The following CNKSR2 variants were observed in gnomAD, a reference collection of about 807,000 sequenced individuals.
CNKSR2 encodes the protein CNK homolog protein 2.
In CNKSR2, 14 loss-of-function variants were observed where a neutral mutation model predicts 84.4. That is an observed-to-expected ratio of 0.17 (90% CI 0.11 to 0.26). CNKSR2 has a LOEUF of 0.26. CNKSR2 is among the 10% of genes least tolerant of loss of function. The probability of loss-of-function intolerance (pLI) is 1.00; values close to 1 mark genes in which losing one functional copy is unlikely to be tolerated. For synonymous variants in CNKSR2, 275 were observed against 277.9 expected (o/e 0.99, Z 0.10); for missense variants, 485 against 771.2 (o/e 0.63, Z 4.40).
chrX:21,427,493 A>G (rs2090580889), intron 2 of CNKSR2: 1 of 111,282 alleles, frequency 9.0e-6, no homozygotes, highest in African/African-American at 3.3e-5. Flanking sequence ...TGAAATCAGG[A>G]GGTGAGATTC....
At chrX:21,581,490 G>T (rs899288282) in intron 13 of CNKSR2, among the ~76,000 whole-genome samples, 12 of 112,034 alleles carry the variant, frequency 1.1e-4, no homozygotes, top group African/African-American at 3.9e-4. Context: ...GTTGAAAATA[G>T]ACTGAAGGGG....
chrX:21,490,504 T>C lies in CNKSR2; in HGVS notation c.607T>C (p.Ser203Pro). 2 of 1,209,210 alleles carry C rather than the reference T, an allele frequency of 1.7e-6. No homozygotes were observed. Among genetic ancestry groups the C allele is most frequent in the East Asian group, 3.0e-5 (1 of 33,806 alleles). Residue 203 changes from serine (S) to proline (P), a missense_variant, in exon 6 of 22, where the codon TCA (serine) becomes CCA (proline). By Grantham distance (74) the Ser-to-Pro change is moderately conservative. This residue lies in a region of CNKSR2 where 109 missense variants were observed against 197.5 expected (regional missense o/e 0.55). Coordinates refer to ENST00000379510, the MANE Select transcript of CNKSR2 (RefSeq NM_014927.5). ...GVCDHIISLS[S>P]DPLVSQSAHL... Reference sequence around the variant, plus strand: ...CTGTGACCACATCATATCCCTGTCGTCAGATCCTCTGGTTTCACAGTCTGC... The same window carrying C: ...CTGTGACCACATCATATCCCTGTCGCCAGATCCTCTGGTTTCACAGTCTGC...
chrX:21,465,358 A>AT lies in CNKSR2; in HGVS notation c.520-5407dup, dbSNP rs775395088. 8.1e-5 allele frequency among the ~76,000 whole-genome samples: 9 copies of AT among 111,381 alleles called. 1 individual carries two copies. Among genetic ancestry groups the AT allele is most frequent in the African/African-American group, 2.0e-4 (6 of 30,735 alleles). On this transcript the variant is annotated intron_variant, in intron 4 of 21. Transcript: ENST00000379510. Reference sequence around the variant, plus strand: ...GTTGGTGAACTGAATTGTGACTTCAATAAATAAATGAATGCAAGGAAGAGA... The same window carrying AT: ...GTTGGTGAACTGAATTGTGACTTCAATTAAATAAATGAATGCAAGGAAGAGA...
intron 11 of CNKSR2, among the ~76,000 whole-genome samples, chrX:21,547,936 G>C (rs1174075639): frequency 1.8e-5 from 2 of 112,101 alleles, no homozygotes; most frequent in East Asian, 5.6e-4. Flanking sequence ...GCAGTGTGTA[G>C]AGGGAAATTT....
In CNKSR2 at chrX:21,632,990, TACACACACACACAC is replaced by T. The variant is rs200936630; in HGVS notation, c.2693-15819_2693-15806del. On this transcript the variant is annotated intron_variant, in intron 20 of 21. Coordinates refer to ENST00000379510, the MANE Select transcript of CNKSR2 (RefSeq NM_014927.5). ...CATGTGTATACACACTTATATAATATACACACACACACACACACACACACACACACACACATACA... is the reference window on the plus strand; with the variant it reads ...CATGTGTATACACACTTATATAATATACACACACACACACACACACATACA... Among the ~76,000 whole-genome samples the T allele has an allele frequency of 5.4e-4, 54 of 100,675 alleles. 1 individual carries two copies. The highest frequency in any genetic ancestry group is 5.0e-3 in the Middle Eastern group (1 of 202). 87.4% of individuals were successfully genotyped at this position (100,675 alleles called of 115,157 possible).
intron 9 of CNKSR2, among the ~76,000 whole-genome samples, chrX:21,520,488 A>AC (rs2091771711): frequency 9.1e-6 from 1 of 109,763 alleles, no homozygotes; most frequent in African/African-American, 3.3e-5. Flanking sequence ...TGAAAAAAAA[A>AC]CAAAGAATTG....
chrX:21,630,455 A>G (rs1429090855), intron 20 of CNKSR2, among the ~76,000 whole-genome samples: 3 of 111,843 alleles, frequency 2.7e-5, no homozygotes, highest in Non-Finnish European at 5.6e-5. Flanking sequence ...ACGTAATATA[A>G]GTCATTTAAT....
chrX:21,628,384 A>G (rs1285110622), intron 20 of CNKSR2, among the ~76,000 whole-genome samples: 1 of 111,292 alleles, frequency 9.0e-6, no homozygotes, highest in East Asian at 2.8e-4. Flanking sequence ...TCACAGCTCC[A>G]CTAGGTGGCT....
chrX:21,407,667 A>G (rs1006695733), intron 1 of CNKSR2, among the ~76,000 whole-genome samples: 7 of 111,426 alleles, frequency 6.3e-5, no homozygotes, highest in African/African-American at 2.3e-4. Context: ...TTGAATAGAA[A>G]TGCAAGGTTC....
chrX:21,384,053 T>A (rs1463569964), intron 1 of CNKSR2, among the ~76,000 whole-genome samples: 2 of 112,017 alleles, frequency 1.8e-5, no homozygotes, highest in African/African-American at 6.5e-5. Flanking sequence ...TTTAATTTTG[T>A]GAAAATCATT....
intron 20 of CNKSR2, among the ~76,000 whole-genome samples, chrX:21,630,827 A>G (rs187772728): frequency 8.8e-4 from 98 of 111,079 alleles, no homozygotes; most frequent in Middle Eastern, 9.4e-3. Flanking sequence ...TGATCTTTCA[A>G]TCACATTTAC....
chrX:21,594,815 G>A (rs747534641), intron 15 of CNKSR2, 159 bp from the exon 16 acceptor site: 7 of 379,179 alleles, frequency 1.8e-5, no homozygotes, highest in East Asian at 4.0e-5. Context: ...AATTTATGGA[G>A]TACAGCAGGT....
intron 4 of CNKSR2, among the ~76,000 whole-genome samples, chrX:21,444,444 T>C (rs773602586): frequency 5.3e-4 from 59 of 111,566 alleles, no homozygotes; most frequent in African/African-American, 1.8e-3. Context: ...GGCTTTGCTT[T>C]TCAACAAACA....
Position 21,652,859 on chromosome X carries a change from T to G in CNKSR2, c.*338T>G. 1 of 144,438 alleles carries G rather than the reference T, an allele frequency of 6.9e-6. No individual in the cohort carries two copies. The highest frequency in any genetic ancestry group is 1.3e-5 in the Non-Finnish European group (1 of 74,961). 11.9% of individuals were successfully genotyped at this position (144,438 alleles called of 1,213,427 possible). ...TATGGTCATCTTTTCTCCCTTTAAG[T>G]TAATTTTATATAAACAAGACTTCAA... is the stretch of plus-strand genomic sequence containing the variant. On this transcript the variant is annotated 3_prime_UTR_variant, in exon 22 of 22. Transcript: ENST00000379510.
chrX:21,643,887 G>A (rs1405535086), intron 20 of CNKSR2: 2 of 111,020 alleles, frequency 1.8e-5, no homozygotes, highest in Non-Finnish European at 3.8e-5. Flanking sequence ...TGAATTAAGA[G>A]AGCTAGTATT....
At chrX:21,556,042 G>A (rs954793331) in intron 11 of CNKSR2, among the ~76,000 whole-genome samples, 9 of 110,345 alleles carry the variant, frequency 8.2e-5, no homozygotes, top group Admixed American at 3.9e-4. Context: ...AAGAGTATTG[G>A]TGAGGGTAAC....
At chrX:21,641,767 TTGG>T in intron 20 of CNKSR2, 1 of 1,028,650 alleles carries the variant, frequency 9.7e-7, no homozygotes, top group Non-Finnish European at 1.2e-6. Flanking sequence ...ATCAAGTGTT[TTGG>T]ATTGGGGGCC....
At chrX:21,633,718 T>C (rs2147324610) in intron 20 of CNKSR2, among the ~76,000 whole-genome samples, 1 of 112,501 alleles carries the variant, frequency 8.9e-6, no homozygotes, top group African/African-American at 3.2e-5. Flanking sequence ...TCATTTGTAT[T>C]TTTCCATAAG....
chrX:21,411,330 G>A lies in CNKSR2; in HGVS notation c.65-15167G>A, dbSNP rs143845850. ...AGAGTAAGAGGAATTTTAGATAGGC[G>A]TAGAGGAATAAAATGGCCAAAGAAA... On this transcript the variant is annotated intron_variant, in intron 1 of 21. Transcript: ENST00000379510. Among the ~76,000 whole-genome samples the A allele has an allele frequency of 9.4e-3, 1,044 of 111,390 alleles. 11 individuals carry two copies. Among genetic ancestry groups the A allele is most frequent in the African/African-American group, 0.031 (954 of 30,675 alleles).
Sources: allele counts gnomAD v4.1 joint callset (sites outside exome capture counted in the v4.1 genomes callset), GRCh38; gene constraint gnomAD v4.1.1; regional missense constraint gnomAD v4.1.1; transcripts MANE v1.5; gene names NCBI Gene and HGNC (gene_info 2026-07-23, HGNC 2026-07-21).